The following LDB2 variants were observed in gnomAD, a reference collection of about 807,000 sequenced individuals.
LDB2 encodes the protein LIM domain-binding protein 2.
LDB2 carries 12 observed loss-of-function variants against 44.3 expected under a neutral mutation model. The ratio of observed to expected loss-of-function variants is 0.27; its 90% CI spans 0.17 to 0.44. LDB2 has a LOEUF of 0.44. LDB2 is among the 20% of genes least tolerant of loss of function. LDB2 has a pLI of 1.00. For missense variants in LDB2, 344 were observed against 473.5 expected (o/e 0.73, Z 2.54); for synonymous variants, 164 against 174.8 (o/e 0.94, Z 0.49).
At chr4:16,877,602 T>G (rs145924840) in intron 1 of LDB2, among the ~76,000 whole-genome samples, 1 of 152,228 alleles carries the variant, frequency 6.6e-6, no homozygotes, top group Non-Finnish European at 1.5e-5. Context: ...AATCAATTAC[T>G]TTCTGTATAT....
chr4:16,655,967 T>C (rs1280256345), intron 2 of LDB2, among the ~76,000 whole-genome samples: 2 of 129,716 alleles, frequency 1.5e-5, no homozygotes, highest in East Asian at 4.8e-4. Flanking sequence ...TGGCGCAATC[T>C]CAGCTCACTG....
chr4:16,661,270 A>G (rs1184259050), intron 2 of LDB2, among the ~76,000 whole-genome samples: 1 of 152,258 alleles, frequency 6.6e-6, no homozygotes, highest in Non-Finnish European at 1.5e-5. Flanking sequence ...GCACAAAAAG[A>G]CAGTCAAGCA....
chr4:16,858,564 T>C (rs903830497), intron 1 of LDB2, among the ~76,000 whole-genome samples: 1 of 152,154 alleles, frequency 6.6e-6, no homozygotes, highest in Non-Finnish European at 1.5e-5. Flanking sequence ...AGATAACAGT[T>C]TGACACTAAT....
chr4:16,679,734 G>A (rs1747329226), intron 2 of LDB2, among the ~76,000 whole-genome samples: 2 of 152,182 alleles, frequency 1.3e-5, no homozygotes, highest in African/African-American at 2.4e-5. Flanking sequence ...GGGGAAGAGA[G>A]TGTTCGTAAA....
chr4:16,759,461 A>C, intron 1 of LDB2: 1 of 556,634 alleles, frequency 1.8e-6, no homozygotes, highest in Non-Finnish European at 3.2e-6. Flanking sequence ...CAATTCAATA[A>C]GTGAGCTCAA....
rs546170586 is a variant in LDB2 at position 16,595,871 on chromosome 4, G to A, written c.240C>T (p.Ile80=). ...AGTAACGGGGGATGAGGGTCCTGCC[G>A]ATAGCTGGGAGAGAAACACAGAGAA... The part of the protein sequence containing the change: ...CLEDGPKRYT[I]GRTLIPRYFS... The change falls in exon 3 of 8, where the codon ATC becomes ATT. Residue 80 remains isoleucine (I), a synonymous_variant. Coordinates refer to ENST00000304523, the MANE Select transcript of LDB2 (RefSeq NM_001290.5). 2.4e-5 allele frequency: 39 copies of A among 1,612,822 alleles called. No individual in the cohort carries two copies. The highest frequency in any genetic ancestry group is 4.5e-5 in the East Asian group (2 of 44,862).
intron 1 of LDB2, among the ~76,000 whole-genome samples, chr4:16,855,623 G>T (rs905993436): frequency 6.6e-6 from 1 of 152,010 alleles, no homozygotes; most frequent in African/African-American, 2.4e-5. Flanking sequence ...AGTATTTATT[G>T]TCAATGACAA....
chr4:16,621,769 G>T (rs189968145), intron 2 of LDB2, among the ~76,000 whole-genome samples: 43 of 152,118 alleles, frequency 2.8e-4, no homozygotes, highest in African/African-American at 1.0e-3. Flanking sequence ...ATTTTGCCCA[G>T]GCTAGTCAAT....
intron 2 of LDB2, among the ~76,000 whole-genome samples, chr4:16,677,317 T>G (rs1578702377): frequency 6.6e-6 from 1 of 152,112 alleles, no homozygotes; most frequent in East Asian, 1.9e-4. Flanking sequence ...GCAAAACAAA[T>G]AAGCATATGT....
intron 1 of LDB2, among the ~76,000 whole-genome samples, chr4:16,846,564 TGAGA>T (rs920503308): frequency 7.9e-5 from 12 of 152,182 alleles, no homozygotes; most frequent in Non-Finnish European, 1.8e-4. Context: ...TGTAGTAGTT[TGAGA>T]GAGTATTTCT....
chr4:16,604,038 T>C (rs1415347158), intron 2 of LDB2, among the ~76,000 whole-genome samples: 1 of 152,058 alleles, frequency 6.6e-6, no homozygotes, highest in Non-Finnish European at 1.5e-5. Flanking sequence ...GCTAAATTTT[T>C]TACTTCTTTA....
At chr4:16,641,303 G>A (rs886689610) in intron 2 of LDB2, among the ~76,000 whole-genome samples, 9 of 152,190 alleles carry the variant, frequency 5.9e-5, no homozygotes, top group Non-Finnish European at 1.2e-4. Flanking sequence ...ATGAACCTAT[G>A]TGGAAAACAA....
chr4:16,644,060 A>G (rs1033461837), intron 2 of LDB2, among the ~76,000 whole-genome samples: 1 of 152,196 alleles, frequency 6.6e-6, no homozygotes, highest in African/African-American at 2.4e-5. Context: ...CAGTTTATGA[A>G]CACTCTCACA....
chr4:16,731,630 C>A (rs1312694589), intron 2 of LDB2, among the ~76,000 whole-genome samples: 1 of 152,202 alleles, frequency 6.6e-6, no homozygotes, highest in Non-Finnish European at 1.5e-5. Flanking sequence ...TTGATCTTGA[C>A]TTTCCAGCCT....
chr4:16,683,116 GT>G (rs1748366160), intron 2 of LDB2, among the ~76,000 whole-genome samples: 1 of 152,122 alleles, frequency 6.6e-6, no homozygotes, highest in Non-Finnish European at 1.5e-5. Context: ...TTAATTAAAT[GT>G]TTATGGAGTA....
chr4:16,759,249 G>A lies in LDB2; in HGVS notation c.144C>T (p.Asn48=), dbSNP rs757744395. ...CAGTGGCAAAGGCGTCCCACCAGAG[G>A]TTGTCACTATCCTGCAAAGAGACAG... ...RLQSRTEDSD[N]LWWDAFATEF... Residue 48 remains asparagine (N), a synonymous_variant, in exon 2 of 8, where the codon AAC becomes AAT. Coordinates refer to ENST00000304523, the MANE Select transcript of LDB2 (RefSeq NM_001290.5). The A allele has an allele frequency of 5.3e-5, 86 of 1,609,118 alleles. No homozygotes were observed. The highest frequency in any genetic ancestry group is 3.4e-6 in the Non-Finnish European group (4 of 1,175,578).
intron 2 of LDB2, among the ~76,000 whole-genome samples, chr4:16,713,007 A>G (rs1310137596): frequency 2.0e-5 from 3 of 152,256 alleles, no homozygotes; most frequent in African/African-American, 7.2e-5. Context: ...ATGCAATGGA[A>G]TACTATTTGG....
At chr4:16,605,722 T>C (rs187243730) in intron 2 of LDB2, among the ~76,000 whole-genome samples, 10 of 152,310 alleles carry the variant, frequency 6.6e-5, no homozygotes, top group Admixed American at 3.9e-4. Flanking sequence ...AATCATTCTG[T>C]GTGTAGCTGG....
intron 2 of LDB2, among the ~76,000 whole-genome samples, chr4:16,608,481 C>T (rs1441645265): frequency 6.6e-6 from 1 of 152,180 alleles, no homozygotes; most frequent in African/African-American, 2.4e-5. Context: ...ATTGCCTGGG[C>T]ACCAGCTGTG....
Sources: gnomAD v4.1 joint callset for allele counts (sites outside exome capture counted in the v4.1 genomes callset) on GRCh38, gnomAD v4.1.1 for gene constraint, MANE v1.5 for transcripts, NCBI Gene and HGNC (gene_info 2026-07-23, HGNC 2026-07-21) for gene names.